Variants in STK33 observed in about 807,000 individuals in gnomAD.
STK33 encodes serine/threonine-protein kinase 33.
In STK33, 52 loss-of-function variants were observed where a neutral mutation model predicts 58.0. That is an observed-to-expected ratio of 0.90 (90% CI 0.72 to 1.13). The LOEUF (loss-of-function observed/expected upper bound fraction) is 1.13. STK33 is among the 50% of genes most tolerant of loss of function. STK33 has a pLI of 0.00. For missense variants in STK33, 630 were observed against 604.2 expected (o/e 1.04, Z -0.45); for synonymous variants, 215 against 200.1 (o/e 1.07, Z -0.63).
At chr11:8,451,498 T>C (rs2136907028) in intron 11 of STK33, among the ~76,000 whole-genome samples, 1 of 152,288 alleles carries the variant, frequency 6.6e-6, no homozygotes, top group East Asian at 1.9e-4. Context: ...ACTACATGTT[T>C]TATGATTCCA....
chr11:8,455,367 A>AAACG (rs1946720721), intron 9 of STK33, among the ~76,000 whole-genome samples: 1 of 152,202 alleles, frequency 6.6e-6, no homozygotes, highest in Admixed American at 6.5e-5. Flanking sequence ...ACAAACAAAC[A>AAACG]AAAACCCTTG....
At chr11:8,497,424 G>C (rs1317546463) in intron 1 of STK33, among the ~76,000 whole-genome samples, 1 of 152,180 alleles carries the variant, frequency 6.6e-6, no homozygotes, top group African/African-American at 2.4e-5. Context: ...ATTGTCAACA[G>C]AAACCATGGA....
At chr11:8,542,646 C>T (rs528216667) in intron 1 of STK33, among the ~76,000 whole-genome samples, 2 of 152,262 alleles carry the variant, frequency 1.3e-5, no homozygotes, top group Admixed American at 6.5e-5. Flanking sequence ...ATGCCAAGCA[C>T]GTGATCAAAT....
intron 1 of STK33, among the ~76,000 whole-genome samples, chr11:8,498,652 C>T (rs1478498455): frequency 6.6e-6 from 1 of 152,116 alleles, no homozygotes; most frequent in Non-Finnish European, 1.5e-5. Context: ...AAGAACAAAG[C>T]TGGAGGCATC....
At chr11:8,501,959 T>C (rs929894126) in intron 1 of STK33, among the ~76,000 whole-genome samples, 1 of 152,116 alleles carries the variant, frequency 6.6e-6, no homozygotes, top group Non-Finnish European at 1.5e-5. Context: ...TATGAGTCTA[T>C]TTATATGAAA....
chr11:8,398,254 G>A (rs950165714), intron 15 of STK33, among the ~76,000 whole-genome samples: 1 of 152,236 alleles, frequency 6.6e-6, no homozygotes, highest in African/African-American at 2.4e-5. Flanking sequence ...CAGACTAACA[G>A]CTGATCTCTC....
chr11:8,369,293 C>CTG, the STK33 span, among the ~76,000 whole-genome samples: 5 of 77,386 alleles, frequency 6.5e-5, no homozygotes, highest in South Asian at 6.6e-4. Context: ...TGGGTTTTTA[C>CTG]TCTGTGTGTG....
intron 1 of STK33, among the ~76,000 whole-genome samples, chr11:8,588,541 A>T (rs4244802): frequency 6.6e-6 from 1 of 152,214 alleles, no homozygotes; most frequent in Non-Finnish European, 1.5e-5. Context: ...AATGGATCCA[A>T]AATCTAAATA....
chr11:8,562,229 T>C (rs1187869656), intron 1 of STK33, among the ~76,000 whole-genome samples: 8 of 152,358 alleles, frequency 5.3e-5, no homozygotes, highest in Admixed American at 3.3e-4. Context: ...TTCATTTATG[T>C]TCATTTGATT....
chr11:8,506,167 C>G (rs2139286649), intron 1 of STK33, among the ~76,000 whole-genome samples: 1 of 152,230 alleles, frequency 6.6e-6, no homozygotes, highest in East Asian at 1.9e-4. Context: ...AAAATTCTTC[C>G]AACTCAACAT....
At chr11:8,542,683 CTGAA>C (rs1455655296) in intron 1 of STK33, among the ~76,000 whole-genome samples, 3 of 152,118 alleles carry the variant, frequency 2.0e-5, no homozygotes, top group Non-Finnish European at 4.4e-5. Flanking sequence ...AAAATACTTG[CTGAA>C]TGAATTAATG....
intron 1 of STK33, among the ~76,000 whole-genome samples, chr11:8,549,220 T>C (rs896737310): frequency 6.6e-6 from 1 of 152,202 alleles, no homozygotes; most frequent in Non-Finnish European, 1.5e-5. Flanking sequence ...TCAGTATCTA[T>C]TGAAATGACC....
At chr11:8,420,368 G>GA (rs1351388549) in intron 14 of STK33, among the ~76,000 whole-genome samples, 1 of 152,150 alleles carries the variant, frequency 6.6e-6, no homozygotes, top group East Asian at 1.9e-4. Context: ...TATGTGAGTA[G>GA]ATAAGGCTTT....
chr11:8,391,902 T>C lies in STK33; in HGVS notation c.*608A>G, dbSNP rs1221667723. 5 of 153,468 alleles carry C rather than the reference T, an allele frequency of 3.3e-5. No individual in the cohort carries two copies. Among genetic ancestry groups the C allele is most frequent in the Admixed American group, 1.9e-4 (3 of 15,432 alleles). 9.5% of individuals were successfully genotyped at this position (153,468 alleles called of 1,614,324 possible). On this transcript the variant is annotated 3_prime_UTR_variant, in exon 16 of 16. Coordinates refer to ENST00000687296, the MANE Select transcript of STK33 (RefSeq NM_001352389.2). Reference sequence around the variant, plus strand: ...TAACATCTGTTTTTTATTGATTTAATCAATACATTGGGAATTTAGCAGCAA... The same window carrying C: ...TAACATCTGTTTTTTATTGATTTAACCAATACATTGGGAATTTAGCAGCAA...
intron 1 of STK33, among the ~76,000 whole-genome samples, chr11:8,581,253 T>C (rs757123926): frequency 6.6e-6 from 1 of 152,154 alleles, no homozygotes; most frequent in African/African-American, 2.4e-5. Flanking sequence ...AATTTTCCTA[T>C]TCACATCTCA....
the STK33 span, among the ~76,000 whole-genome samples, chr11:8,356,107 G>GAGGA: frequency 1.3e-5 from 2 of 152,342 alleles, no homozygotes; most frequent in East Asian, 3.9e-4. Flanking sequence ...TTTGCTAACT[G>GAGGA]AGGAAGTACA....
chr11:8,540,478 T>TA (rs1284371340), intron 1 of STK33, among the ~76,000 whole-genome samples: 1 of 151,498 alleles, frequency 6.6e-6, no homozygotes, highest in African/African-American at 2.4e-5. Context: ...ACCCAGTCTT[T>TA]AAAAAAAAGA....
intron 1 of STK33, among the ~76,000 whole-genome samples, chr11:8,494,533 T>C (rs1459957941): frequency 6.6e-6 from 1 of 152,204 alleles, no homozygotes; most frequent in African/African-American, 2.4e-5. Context: ...GGTAATTTTA[T>C]AGATTCAATG....
chr11:8,375,379 C>G, the STK33 span, among the ~76,000 whole-genome samples: 4 of 152,166 alleles, frequency 2.6e-5, no homozygotes, highest in Non-Finnish European at 2.9e-5. Context: ...GAATTACTCA[C>G]CACTTCCTCC....
Sources: allele counts gnomAD v4.1 joint callset (sites outside exome capture counted in the v4.1 genomes callset), GRCh38; gene constraint gnomAD v4.1.1; transcripts MANE v1.5; gene names NCBI Gene and HGNC (gene_info 2026-07-23, HGNC 2026-07-21).